PTH1R: variants seen among roughly 807,000 people sequenced by gnomAD.
The protein encoded by PTH1R is parathyroid hormone 1 receptor, also known as parathyroid hormone/parathyroid hormone-related peptide receptor.
PTH1R carries 32 observed loss-of-function variants against 70.7 expected under a neutral mutation model. That is an observed-to-expected ratio of 0.45 (90% CI 0.34 to 0.61). The LOEUF is 0.61. Ranked by LOEUF, PTH1R falls within the 20% of genes least tolerant of loss-of-function variation. The pLI is 0.01. For missense variants in PTH1R, 626 were observed against 792.5 expected (o/e 0.79, Z 2.52); for synonymous variants, 329 against 324.8 (o/e 1.01, Z -0.14).
rs1418555409 is a variant in PTH1R at position 46,884,570 on chromosome 3, G to A, written c.75+936G>A. The stretch of plus-strand genomic sequence containing the variant: ...CCACAGCAACCCCATCCCCTGGGAC[G>A]AGCCCGTTCCTGGGGAGGCTGTCTG... On this transcript the variant is annotated intron_variant, in intron 3 of 15. Coordinates refer to ENST00000449590, the MANE Select transcript of PTH1R (RefSeq NM_000316.3). This position sits in a 1 kb window ranked among gnomAD's most constrained non-coding sequence, Gnocchi z 4.8. Among the ~76,000 whole-genome samples, 2 of 152,126 alleles carry A rather than the reference G, an allele frequency of 1.3e-5. No individual in the cohort carries two copies. The highest frequency in any genetic ancestry group is 2.9e-5 in the Non-Finnish European group (2 of 68,012).
At position 46,898,421 on chromosome 3, in the gene PTH1R, C is replaced by T. The variant is rs1420858562; in HGVS notation, c.587C>T (p.Ser196Phe). 5.6e-6 allele frequency: 9 copies of T among 1,613,850 alleles called. No individual in the cohort carries two copies. Residue 196 changes from serine (S) to phenylalanine (F), a missense_variant, in exon 8 of 16, where the codon TCC becomes TTC. Coordinates refer to ENST00000449590, the MANE Select transcript of PTH1R (RefSeq NM_000316.3). ...RLGMIYTVGYSVSLASLTVAV... is the reference protein window; with the variant it reads ...RLGMIYTVGYFVSLASLTVAV... ...GGCATGATTTACACCGTGGGCTACT[C>T]CGTGTCCCTGGCGTCCCTCACCGTA...
Position 46,901,023 on chromosome 3 carries a change from A to T in PTH1R, c.989-2A>T. 6.3e-7 allele frequency: 1 copy of T among 1,581,368 alleles called. No homozygotes were observed. The highest frequency in any genetic ancestry group is 8.6e-7 in the Non-Finnish European group (1 of 1,162,216). ...GCACACTGTCCCCCTCTGTGCCCAC[A>T]GGTCTGCCCGCTGTCTTCGTGGCTG... On this transcript the variant is annotated splice_acceptor_variant, in intron 10 of 15. Coordinates refer to ENST00000449590, the MANE Select transcript of PTH1R (RefSeq NM_000316.3). LOFTEE classifies it high-confidence loss of function. This position sits in a 1 kb window ranked among gnomAD's most constrained non-coding sequence, Gnocchi z 7.3.
Position 46,892,354 on chromosome 3 carries a change from TCA to T in PTH1R, c.76-1550_76-1549del, listed in dbSNP as rs1221499299. ...CAGAAATACATGTGCACGTGCATGC[TCA>T]CAAACACGTCCGGCTCGCGTCCCAT... On this transcript the variant is annotated intron_variant, in intron 3 of 15. Coordinates refer to ENST00000449590, the MANE Select transcript of PTH1R (RefSeq NM_000316.3). The surrounding 1 kb of genome is among the most constrained non-coding windows in gnomAD (Gnocchi z 5.2). 6.6e-6 allele frequency among the ~76,000 whole-genome samples: 1 copy of T among 152,046 alleles called. No homozygotes were observed. The highest frequency in any genetic ancestry group is 2.4e-5 in the African/African-American group (1 of 41,378).
rs1031959854 is a variant in PTH1R, at chr3:46,896,292, GCA to G, written c.313+429_313+430del. 1.3e-5 allele frequency among the ~76,000 whole-genome samples: 2 copies of G among 152,136 alleles called. No homozygotes were observed. The highest frequency in any genetic ancestry group is 2.9e-5 in the Non-Finnish European group (2 of 68,012). On this transcript the variant is annotated intron_variant, in intron 5 of 15. Transcript: ENST00000449590. This position sits in a 1 kb window ranked among gnomAD's most constrained non-coding sequence, Gnocchi z 4.1. ...TCACAGAGATAGAGGGGACCAGGAG[GCA>G]CACACTGAAGTCTGGGCTCAGTGTG... is the stretch of plus-strand genomic sequence containing the variant.
rs200304786 is a variant in PTH1R, at chr3:46,903,435, C to T, written c.1561C>T (p.Arg521Cys). The change falls in exon 16 of 16, where the codon CGC (arginine) becomes TGC (cysteine). Residue 521 changes from arginine (R) to cysteine (C), a missense_variant. Transcript: ENST00000449590. The surrounding 1 kb of genome is among the most constrained non-coding windows in gnomAD (Gnocchi z 4.4). ...RVGLGLPLSPRLLPTATTNGH... is the reference protein window; with the variant it reads ...RVGLGLPLSPCLLPTATTNGH... ...GGGACTCGGCCTGCCCCTCAGCCCCCGCCTACTGCCCACTGCCACCACCAA... is the reference window on the plus strand; with the variant it reads ...GGGACTCGGCCTGCCCCTCAGCCCCTGCCTACTGCCCACTGCCACCACCAA... 73 of 1,613,250 alleles carry T rather than the reference C, an allele frequency of 4.5e-5. No homozygotes were observed. The highest frequency in any genetic ancestry group is 3.1e-4 in the South Asian group (28 of 91,064).
intron 6 of PTH1R, 27 bp from the exon 7 acceptor site, chr3:46,898,047 C>G (rs751481338): frequency 6.2e-7 from 1 of 1,613,054 alleles, no homozygotes; most frequent in Non-Finnish European, 8.5e-7. Flanking sequence ...ACCTCCCTGC[C>G]GGCCCTGACC....
chr3:46,883,792 G>A lies in PTH1R; in HGVS notation c.75+158G>A, dbSNP rs1315500025. On this transcript the variant is annotated intron_variant, in intron 3 of 15. Coordinates refer to ENST00000449590, the MANE Select transcript of PTH1R (RefSeq NM_000316.3). This position sits in a 1 kb window ranked among gnomAD's most constrained non-coding sequence, Gnocchi z 6.4. ...GATCCTGGGTGCCTGCTGTCTCTGG[G>A]ATGTCTGGACTGTGGGTTCCAGCTG... is the stretch of plus-strand genomic sequence containing the variant. 6.6e-6 allele frequency among the ~76,000 whole-genome samples: 1 copy of A among 152,210 alleles called. No individual in the cohort carries two copies. Among genetic ancestry groups the A allele is most frequent in the Non-Finnish European group, 1.5e-5 (1 of 68,024 alleles).
Position 46,883,779 on chromosome 3 carries a change from C to G in PTH1R, c.75+145C>G. 1 of 930,378 alleles carries G rather than the reference C, an allele frequency of 1.1e-6. No individual in the cohort carries two copies. The highest frequency in any genetic ancestry group is 1.7e-5 in the African/African-American group (1 of 60,410). 57.6% of individuals were successfully genotyped at this position (930,378 alleles called of 1,614,324 possible). On this transcript the variant is annotated intron_variant, in intron 3 of 15. Coordinates refer to ENST00000449590, the MANE Select transcript of PTH1R (RefSeq NM_000316.3). The surrounding 1 kb of genome is among the most constrained non-coding windows in gnomAD (Gnocchi z 6.4). ...CCCTCTGATCCAGGATCCTGGGTGC[C>G]TGCTGTCTCTGGGATGTCTGGACTG...
intron 3 of PTH1R, among the ~76,000 whole-genome samples, chr3:46,887,628 T>G (rs1259981570): frequency 1.3e-5 from 2 of 152,206 alleles, no homozygotes; most frequent in African/African-American, 4.8e-5. Flanking sequence ...TACCTCTTTG[T>G]GTACATATCA....
rs548308446 is a variant in PTH1R, at chr3:46,893,214, G to A, written c.76-693G>A. ...AGGGCCTGAGTGTCATCAGAACTCC[G>A]AGTCTGGATGGAGGGAGCTCCCAGA... On this transcript the variant is annotated intron_variant, in intron 3 of 15. Coordinates refer to ENST00000449590, the MANE Select transcript of PTH1R (RefSeq NM_000316.3). The surrounding 1 kb of genome is among the most constrained non-coding windows in gnomAD (Gnocchi z 5.2). 1.4e-4 allele frequency among the ~76,000 whole-genome samples: 21 copies of A among 152,196 alleles called. No individual in the cohort carries two copies. The East Asian group carries it at 2.9e-3, about 21-fold the overall frequency.
At position 46,898,098 on chromosome 3, in the gene PTH1R, G is replaced by T. The variant is rs73067029; in HGVS notation, c.449G>T (p.Arg150Leu). The change falls in exon 7 of 16, where the codon CGC becomes CTC. Residue 150 changes from arginine (R) to leucine (L), a missense_variant. By Grantham distance (102) the Arg-to-Leu change is moderately radical. Transcript: ENST00000449590. ...GGCCATGCCTACCGACGCTGTGACC[G>T]CAATGGCAGCTGGGAGCTGGTGCCT... Reference protein sequence around the residue: ...HKGHAYRRCDRNGSWELVPGH... With the variant: ...HKGHAYRRCDLNGSWELVPGH... 17 of 1,614,092 alleles carry T rather than the reference G, an allele frequency of 1.1e-5. No homozygotes were observed. Among genetic ancestry groups the T allele is most frequent in the Non-Finnish European group, 1.4e-5 (17 of 1,180,040 alleles).
At position 46,879,227 on chromosome 3, in the gene PTH1R, C is replaced by T. The variant is rs2030409536; in HGVS notation, c.-106+1384C>T. ...GCACCCATCAGATTCCTCTCTGCAGCCCTCTCCACAGCCCACCCTCATCCT... is the reference window on the plus strand; with the variant it reads ...GCACCCATCAGATTCCTCTCTGCAGTCCTCTCCACAGCCCACCCTCATCCT... On this transcript the variant is annotated intron_variant, in intron 1 of 15. Transcript: ENST00000449590. The surrounding 1 kb of genome is among the most constrained non-coding windows in gnomAD (Gnocchi z 4.7). 1.3e-5 allele frequency among the ~76,000 whole-genome samples: 2 copies of T among 152,136 alleles called. No homozygotes were observed. Among genetic ancestry groups the T allele is most frequent in the Admixed American group, 1.3e-4 (2 of 15,284 alleles).
In PTH1R at chr3:46,902,993, C is replaced by T; in HGVS notation, c.1395+203C>T. The T allele has an allele frequency of 1.0e-6, 1 of 964,890 alleles. No individual in the cohort carries two copies. Among genetic ancestry groups the T allele is most frequent in the South Asian group, 1.4e-5 (1 of 72,498 alleles). The allele number at this position is 964,890 out of a possible 1,614,324, so 59.8% of individuals were successfully genotyped here. ...GATGTGGGGACTCTTCAGTCACTGG[C>T]ATAGCCAAGTGTCTTCCCAGCCCCA... On this transcript the variant is annotated intron_variant, in intron 15 of 15. Coordinates refer to ENST00000449590, the MANE Select transcript of PTH1R (RefSeq NM_000316.3). The surrounding 1 kb of genome is among the most constrained non-coding windows in gnomAD (Gnocchi z 5.4).
At chr3:46,888,613 G>C (rs1315084330) in intron 3 of PTH1R, among the ~76,000 whole-genome samples, 2 of 152,202 alleles carry the variant, frequency 1.3e-5, no homozygotes, top group African/African-American at 4.8e-5. Flanking sequence ...CTTTTGCTCA[G>C]GTTTGCAGAA....
rs2106951186 is a variant in PTH1R, at chr3:46,882,620, G to C, written c.-48-892G>C. On this transcript the variant is annotated intron_variant, in intron 2 of 15. Transcript: ENST00000449590. This position sits in a 1 kb window ranked among gnomAD's most constrained non-coding sequence, Gnocchi z 4.3. ...GGAGTCGCCAGCCCCGCGCCGCTCGGCTCGGTGGCTTTTTTGGAAACTTGC... is the reference window on the plus strand; with the variant it reads ...GGAGTCGCCAGCCCCGCGCCGCTCGCCTCGGTGGCTTTTTTGGAAACTTGC... Among the ~76,000 whole-genome samples the C allele has an allele frequency of 6.6e-6, 1 of 152,050 alleles. No individual in the cohort carries two copies. Among genetic ancestry groups the C allele is most frequent in the South Asian group, 2.1e-4 (1 of 4,822 alleles).
rs781211563 is a variant in PTH1R, at chr3:46,902,857, C to T, written c.1395+67C>T. On this transcript the variant is annotated intron_variant, in intron 15 of 15. Coordinates refer to ENST00000449590, the MANE Select transcript of PTH1R (RefSeq NM_000316.3). This position sits in a 1 kb window ranked among gnomAD's most constrained non-coding sequence, Gnocchi z 5.4. Reference sequence around the variant, plus strand: ...ATACCCCAGAGGCTTCCTCAAGGCTCATTTCTCCATTCTTCCACCCTGTTA... The same window carrying T: ...ATACCCCAGAGGCTTCCTCAAGGCTTATTTCTCCATTCTTCCACCCTGTTA... 39 of 1,583,942 alleles carry T rather than the reference C, an allele frequency of 2.5e-5. No individual in the cohort carries two copies. Among genetic ancestry groups the T allele is most frequent in the Non-Finnish European group, 2.9e-5 (33 of 1,155,146 alleles).
In PTH1R at chr3:46,903,788, AAG is replaced by A; in HGVS notation, c.*133_*134del. The A allele has an allele frequency of 7.1e-7, 1 of 1,416,482 alleles. No individual in the cohort carries two copies. Among genetic ancestry groups the A allele is most frequent in the Middle Eastern group, 2.4e-4 (1 of 4,082 alleles). The allele number at this position is 1,416,482 out of a possible 1,614,324, so 87.7% of individuals were successfully genotyped here. On this transcript the variant is annotated 3_prime_UTR_variant, in exon 16 of 16. Coordinates refer to ENST00000449590, the MANE Select transcript of PTH1R (RefSeq NM_000316.3). The surrounding 1 kb of genome is among the most constrained non-coding windows in gnomAD (Gnocchi z 4.4). ...GGGAAAAAAAGAAAAAAAAAAGAAA[AAG>A]GAAAAGGAAGCGGTGTGTGGCTTCC... is the stretch of plus-strand genomic sequence containing the variant.
Position 46,898,664 on chromosome 3 carries a change from G to T in PTH1R, c.641G>T (p.Arg214Leu). 1 of 1,612,018 alleles carries T rather than the reference G, an allele frequency of 6.2e-7. No individual in the cohort carries two copies. ...VAVLILAYFRRLHCTRNYIHM... is the reference protein window; with the variant it reads ...VAVLILAYFRLLHCTRNYIHM... ...CGGTCATGTCGCGCGCCCCGCAGGC[G>T]GCTGCACTGCACGCGCAACTACATC... The change falls in exon 9 of 16, where the codon CGG (arginine) becomes CTG (leucine). Residue 214 changes from arginine to leucine, a missense_variant and splice_region_variant. Arg to Leu is a moderately radical substitution (Grantham distance 102, BLOSUM62 -2). This residue lies in a region of PTH1R where 495 missense variants were observed against 638.7 expected (regional missense o/e 0.77). Transcript: ENST00000449590.
At position 46,892,728 on chromosome 3, in the gene PTH1R, A is replaced by T. The variant is rs1040834429; in HGVS notation, c.76-1179A>T. ...CTGGGTCCTCCCGCCCTTCACAGCCATGCTCGGACTGCAGGGCCCCGGCCC... is the reference window on the plus strand; with the variant it reads ...CTGGGTCCTCCCGCCCTTCACAGCCTTGCTCGGACTGCAGGGCCCCGGCCC... On this transcript the variant is annotated intron_variant, in intron 3 of 15. Coordinates refer to ENST00000449590, the MANE Select transcript of PTH1R (RefSeq NM_000316.3). This position sits in a 1 kb window ranked among gnomAD's most constrained non-coding sequence, Gnocchi z 5.2. 2 of 984,922 alleles carry T rather than the reference A, an allele frequency of 2.0e-6. No homozygotes were observed. The highest frequency in any genetic ancestry group is 3.5e-5 in the African/African-American group (2 of 56,988). 61.0% of individuals were successfully genotyped at this position (984,922 alleles called of 1,614,324 possible).
Sources: gnomAD v4.1 joint callset for allele counts (sites outside exome capture counted in the v4.1 genomes callset) on GRCh38, gnomAD v4.1.1 for gene constraint, gnomAD v4.1.1 regional missense constraint, Gnocchi (gnomAD v3.1) non-coding constraint, MANE v1.5 for transcripts, NCBI Gene and HGNC (gene_info 2026-07-23, HGNC 2026-07-21) for gene names.